TOP2A: variants seen among roughly 807,000 people sequenced by gnomAD.
TOP2A encodes the protein DNA topoisomerase 2-alpha.
Under a neutral mutation model 187.2 loss-of-function variants are expected in TOP2A, and 68 were observed. The observed-to-expected ratio is 0.36, with a 90% CI of 0.30 to 0.44. The LOEUF is 0.44. Ranked by LOEUF, TOP2A falls within the 20% of genes least tolerant of loss-of-function variation. TOP2A has a pLI of 1.00. For missense variants in TOP2A, 1,196 were observed against 1,808.7 expected, an observed-to-expected ratio of 0.66 and a Z score of 6.14; for synonymous variants, 542 against 593.2, an observed-to-expected ratio of 0.91 and a Z score of 1.25.
intron 29 of TOP2A, 108 bp downstream of exon 29, chr17:40,395,341 C>T (rs111316113): frequency 1.9e-5 from 9 of 465,656 alleles, no homozygotes; most frequent in South Asian, 8.5e-5. Flanking sequence ...TCCTCTTTCA[C>T]GTTTCTCAAT....
intron 33 of TOP2A, 43 bp downstream of exon 33, chr17:40,391,463 T>C: frequency 6.4e-7 from 1 of 1,567,774 alleles, no homozygotes; most frequent in Non-Finnish European, 8.6e-7. Flanking sequence ...GGAAACCAGT[T>C]AGGTAATTGC....
chr17:40,405,257 C>T (rs925534898), intron 16 of TOP2A, among the ~76,000 whole-genome samples: 1 of 151,762 alleles, frequency 6.6e-6, no homozygotes, highest in African/African-American at 2.4e-5. Flanking sequence ...TCAAGTGATT[C>T]TCCTGCCTCA....
chr17:40,400,111 G>A (rs376832162), intron 23 of TOP2A, 44 bp from the exon 24 acceptor site: 20 of 1,592,304 alleles, frequency 1.3e-5, no homozygotes, highest in Non-Finnish European at 1.5e-5. Context: ...AGACAAATTG[G>A]CTAAACTTTA....
chr17:40,417,741 T>C (rs767321785), intron 1 of TOP2A, 30 bp downstream of exon 1: 11 of 1,611,144 alleles, frequency 6.8e-6, no homozygotes, highest in Non-Finnish European at 9.3e-6. Context: ...GCGCGGAGGC[T>C]CCACCGCCAG....
At chr17:40,415,931 T>C (rs549058660) in intron 4 of TOP2A, 74 bp downstream of exon 4, 22 of 1,088,186 alleles carry the variant, frequency 2.0e-5, no homozygotes, top group Non-Finnish European at 2.2e-5. Context: ...AAAAGCCAAC[T>C]TCACCAGTAA....
intron 1 of TOP2A, chr17:40,417,490 G>A (rs907447606): frequency 7.4e-6 from 10 of 1,355,856 alleles, no homozygotes; most frequent in African/African-American, 4.4e-5. Flanking sequence ...CGTCGCACCC[G>A]GGCCGCTGTA....
At chr17:40,402,235 G>T (rs2035191609) in intron 20 of TOP2A, among the ~76,000 whole-genome samples, 1 of 152,208 alleles carries the variant, frequency 6.6e-6, no homozygotes, top group Non-Finnish European at 1.5e-5. Context: ...TTAGACTTAT[G>T]TTTGAGATAC....
At chr17:40,392,392 A>G in intron 30 of TOP2A, 51 bp from the exon 31 acceptor site, 1 of 1,543,780 alleles carries the variant, frequency 6.5e-7, no homozygotes, top group East Asian at 2.3e-5. Context: ...TAGGAGAAAC[A>G]ATTCATAGGT....
chr17:40,402,323 C>A (rs1026819079), intron 20 of TOP2A, among the ~76,000 whole-genome samples: 6 of 152,094 alleles, frequency 3.9e-5, no homozygotes, highest in African/African-American at 1.4e-4. Flanking sequence ...GAGACCAAGA[C>A]TGGAGATTTA....
In TOP2A at chr17:40,391,716, A is replaced by G. The variant is rs1026399393; in HGVS notation, c.4133-76T>C. Reference sequence around the variant, plus strand: ...ATCCATTTTCTGCTTTGTCCCTGGTATGAATTCCTATTTAAACACCAAATA... The same window carrying G: ...ATCCATTTTCTGCTTTGTCCCTGGTGTGAATTCCTATTTAAACACCAAATA... On this transcript the variant is annotated intron_variant, in intron 32 of 34. Coordinates refer to ENST00000423485, the MANE Select transcript of TOP2A (RefSeq NM_001067.4). The G allele has an allele frequency of 2.9e-6, 4 of 1,369,762 alleles. No homozygotes were observed. The African/African-American group carries it at 6.0e-5, about 20-fold the overall frequency. The allele number at this position is 1,369,762 out of a possible 1,614,324, so 84.9% of individuals were successfully genotyped here.
rs1427186727 is a variant in TOP2A at position 40,411,824 on chromosome 17, C to T, written c.790-6G>A. ...TAACTACGAAATCCTTTTACCTGTA[C>T]AGGAATTAAAGGTAACAGTATTAAG... is the stretch of plus-strand genomic sequence containing the variant. On this transcript the variant is annotated splice_polypyrimidine_tract_variant and splice_region_variant and intron_variant, in intron 7 of 34. Transcript: ENST00000423485. The surrounding 1 kb of genome is among the most constrained non-coding windows in gnomAD (Gnocchi z 4.4). 5 of 1,572,926 alleles carry T rather than the reference C, an allele frequency of 3.2e-6. No individual in the cohort carries two copies. The highest frequency in any genetic ancestry group is 4.3e-6 in the Non-Finnish European group (5 of 1,164,960).
intron 16 of TOP2A, among the ~76,000 whole-genome samples, chr17:40,405,775 CTTTT>C (rs200680545): frequency 0.016 from 2,302 of 145,622 alleles, 28 homozygotes; most frequent in Non-Finnish European, 0.024. Context: ...GGCCTTTTTC[CTTTT>C]TTTTTGAGAT....
Position 40,411,609 on chromosome 17 carries a change from G to A in TOP2A, c.963+36C>T. On this transcript the variant is annotated intron_variant, in intron 8 of 34. Coordinates refer to ENST00000423485, the MANE Select transcript of TOP2A (RefSeq NM_001067.4). This position sits in a 1 kb window ranked among gnomAD's most constrained non-coding sequence, Gnocchi z 4.4. ...AACAATAAGAACACATATATGTAAAGATAAATCATGATTAATAATTTAAGA... is the reference window on the plus strand; with the variant it reads ...AACAATAAGAACACATATATGTAAAAATAAATCATGATTAATAATTTAAGA... 1 of 1,584,672 alleles carries A rather than the reference G, an allele frequency of 6.3e-7. No individual in the cohort carries two copies. The highest frequency in any genetic ancestry group is 8.6e-7 in the Non-Finnish European group (1 of 1,161,036).
At chr17:40,408,301 C>T (rs1338033114) in intron 11 of TOP2A, among the ~76,000 whole-genome samples, 177 bp from the exon 12 acceptor site, 2 of 152,008 alleles carry the variant, frequency 1.3e-5, no homozygotes, top group Non-Finnish European at 2.9e-5. Context: ...CCAAAATAAT[C>T]ACCTCAATAT....
Position 40,395,479 on chromosome 17 carries a change from T to C in TOP2A, c.3781A>G (p.Arg1261Gly). Reference sequence around the variant, plus strand: ...TCTCTTTTCTGTTTCTTTTCTAATCTTTGTTTTAGGCCTTCTAGTTCCACA... The same window carrying C: ...TCTCTTTTCTGTTTCTTTTCTAATCCTTGTTTTAGGCCTTCTAGTTCCACA... ...DGVELEGLKQRLEKKQKREPG... is the reference protein window; with the variant it reads ...DGVELEGLKQGLEKKQKREPG... Residue 1261 changes from arginine (R) to glycine (G), a missense_variant, in exon 29 of 35, where the codon AGA becomes GGA. Coordinates refer to ENST00000423485, the MANE Select transcript of TOP2A (RefSeq NM_001067.4). 1 of 1,611,198 alleles carries C rather than the reference T, an allele frequency of 6.2e-7. No homozygotes were observed. Among genetic ancestry groups the C allele is most frequent in the Non-Finnish European group, 8.5e-7 (1 of 1,178,538 alleles).
chr17:40,405,194 C>T (rs1434193405), intron 16 of TOP2A, among the ~76,000 whole-genome samples: 1 of 149,302 alleles, frequency 6.7e-6, no homozygotes, highest in Non-Finnish European at 1.5e-5. Context: ...GAGTTTCACT[C>T]TTGTGGAATG....
chr17:40,396,469 C>T lies in TOP2A; in HGVS notation c.3538-4G>A, dbSNP rs1405014594. The T allele has an allele frequency of 1.2e-6, 2 of 1,612,844 alleles. No individual in the cohort carries two copies. Among genetic ancestry groups the T allele is most frequent in the Non-Finnish European group, 1.7e-6 (2 of 1,179,318 alleles). On this transcript the variant is annotated splice_polypyrimidine_tract_variant and splice_region_variant and intron_variant, in intron 27 of 34. Coordinates refer to ENST00000423485, the MANE Select transcript of TOP2A (RefSeq NM_001067.4). Reference sequence around the variant, plus strand: ...GTTTTTCCTTGGCTTCAACAGCCTACAGAAGGGATATAAGAAAGCAAGTTT... The same window carrying T: ...GTTTTTCCTTGGCTTCAACAGCCTATAGAAGGGATATAAGAAAGCAAGTTT...
chr17:40,412,442 G>A lies in TOP2A; in HGVS notation c.789+317C>T, dbSNP rs547907821. Among the ~76,000 whole-genome samples the A allele has an allele frequency of 1.1e-4, 16 of 151,944 alleles. No individual in the cohort carries two copies. The East Asian group carries it at 1.7e-3, about 17-fold the overall frequency. On this transcript the variant is annotated intron_variant, in intron 7 of 34. Coordinates refer to ENST00000423485, the MANE Select transcript of TOP2A (RefSeq NM_001067.4). Reference sequence around the variant, plus strand: ...GGGTGGATCATGAGGTCTGGTGTTCGAGACCAGCCTGGCCAACATAGTGAA... The same window carrying A: ...GGGTGGATCATGAGGTCTGGTGTTCAAGACCAGCCTGGCCAACATAGTGAA...
In TOP2A at chr17:40,396,789, C is replaced by A. The variant is rs1012847087; in HGVS notation, c.3538-324G>T. 2.6e-5 allele frequency among the ~76,000 whole-genome samples: 4 copies of A among 152,006 alleles called. No individual in the cohort carries two copies. In the South Asian group the frequency reaches 8.3e-4, roughly 31 times the overall value. On this transcript the variant is annotated intron_variant, in intron 27 of 34. Coordinates refer to ENST00000423485, the MANE Select transcript of TOP2A (RefSeq NM_001067.4). ...ATACAAAATATGAAAGGAAGTGATG[C>A]ACACTTATCCAACCAACTGATTACA...
Sources: allele counts gnomAD v4.1 joint callset (sites outside exome capture counted in the v4.1 genomes callset), GRCh38; gene constraint gnomAD v4.1.1; non-coding constraint Gnocchi (gnomAD v3.1); transcripts MANE v1.5; gene names NCBI Gene and HGNC (gene_info 2026-07-23, HGNC 2026-07-21).